CHN2: variants seen among roughly 807,000 people sequenced by gnomAD.
CHN2 encodes chimerin 2, also known as beta-chimaerin.
A neutral mutation model predicts 56.3 loss-of-function variants in CHN2; 35 were observed. The ratio of observed to expected loss-of-function variants is 0.62; its 90% CI spans 0.47 to 0.82. CHN2 has a LOEUF of 0.82. Among genes scored for constraint, CHN2 ranks in the 40% least tolerant of loss-of-function variants. The probability of loss-of-function intolerance (pLI) is 0.00; values close to 1 mark genes in which losing one functional copy is unlikely to be tolerated. For synonymous variants in CHN2, 210 were observed against 212.8 expected, an observed-to-expected ratio of 0.99 and a Z score of 0.12; for missense variants, 491 against 580.5, an observed-to-expected ratio of 0.85 and a Z score of 1.58.
intron 1 of CHN2, among the ~76,000 whole-genome samples, chr7:29,278,368 G>A (rs1791399264): frequency 6.6e-6 from 1 of 151,698 alleles, no homozygotes; most frequent in African/African-American, 2.4e-5. Flanking sequence ...TCAACTACTC[G>A]ACTCTGCCTT....
At chr7:29,446,576 C>CT (rs1227453403) in intron 6 of CHN2, among the ~76,000 whole-genome samples, 1 of 152,142 alleles carries the variant, frequency 6.6e-6, no homozygotes, top group African/African-American at 2.4e-5. Context: ...GCCCAGGGGA[C>CT]TTTCTGAGTT....
At chr7:29,363,259 G>A (rs1447275261) in intron 2 of CHN2, among the ~76,000 whole-genome samples, 1 of 152,236 alleles carries the variant, frequency 6.6e-6, no homozygotes, top group Non-Finnish European at 1.5e-5. Context: ...GCCGAAGCAG[G>A]TGGATCACTT....
At chr7:29,390,433 G>T (rs10228888) in intron 3 of CHN2, among the ~76,000 whole-genome samples, 7,915 of 152,240 alleles carry the variant, frequency 0.052, 261 homozygotes, top group South Asian at 0.089. Flanking sequence ...GCTGTCCTAG[G>T]ATAGTCACAG....
At chr7:29,470,198 G>A (rs116624037) in intron 6 of CHN2, among the ~76,000 whole-genome samples, 181 of 152,268 alleles carry the variant, frequency 1.2e-3, no homozygotes, top group African/African-American at 4.0e-3. Flanking sequence ...ACAGTCCTAC[G>A]CTTGGTAGAG....
At chr7:29,466,252 A>C (rs188242366) in intron 6 of CHN2, among the ~76,000 whole-genome samples, 2 of 152,264 alleles carry the variant, frequency 1.3e-5, no homozygotes, top group East Asian at 3.9e-4. Context: ...GGAAGGAAAG[A>C]AAGATTGGTT....
Position 29,368,003 on chromosome 7 carries a change from T to C in CHN2, c.144+16T>C, listed in dbSNP as rs202247231. On this transcript the variant is annotated intron_variant, in intron 3 of 12. Coordinates refer to ENST00000222792, the MANE Select transcript of CHN2 (RefSeq NM_004067.4). The stretch of plus-strand genomic sequence containing the variant: ...TCCTCGGGAGGTCAGTGCTCAGCTA[T>C]TTCCAATACACCTTGTTAAATATGA... 137 of 1,603,826 alleles carry C rather than the reference T, an allele frequency of 8.5e-5. No homozygotes were observed. The highest frequency in any genetic ancestry group is 3.4e-5 in the Admixed American group (2 of 58,580).
At chr7:29,252,786 G>A (rs1166704163) in intron 1 of CHN2, among the ~76,000 whole-genome samples, 19 of 121,108 alleles carry the variant, frequency 1.6e-4, no homozygotes, top group African/African-American at 9.8e-5. Context: ...TAGTAGAGAC[G>A]GGGTTTCACC....
intron 3 of CHN2, among the ~76,000 whole-genome samples, chr7:29,375,146 T>C (rs1355086035): frequency 2.1e-5 from 3 of 142,502 alleles, no homozygotes; most frequent in Non-Finnish European, 4.5e-5. Flanking sequence ...CGCCTCAGCC[T>C]CCCAAAATGC....
intron 2 of CHN2, among the ~76,000 whole-genome samples, chr7:29,359,183 C>G (rs539747369): frequency 6.3e-4 from 96 of 152,262 alleles, no homozygotes; most frequent in South Asian, 1.2e-3. Context: ...CTAAACCAAT[C>G]AGGACTCACT....
chr7:29,306,193 T>C (rs1380623421), intron 1 of CHN2, among the ~76,000 whole-genome samples: 1 of 152,196 alleles, frequency 6.6e-6, no homozygotes, highest in Non-Finnish European at 1.5e-5. Context: ...ACTGTGTAAG[T>C]CAATAAATCT....
intron 6 of CHN2, among the ~76,000 whole-genome samples, chr7:29,428,496 CATTTCAA>C (rs1480102314): frequency 6.6e-6 from 1 of 152,156 alleles, no homozygotes; most frequent in Non-Finnish European, 1.5e-5. Context: ...TCCCTGGGAC[CATTTCAA>C]ATTCAGACCA....
intron 1 of CHN2, among the ~76,000 whole-genome samples, chr7:29,338,571 TTG>T (rs1283963575): frequency 6.6e-6 from 1 of 152,138 alleles, no homozygotes; most frequent in Non-Finnish European, 1.5e-5. Flanking sequence ...TATAAGCTGG[TTG>T]TGAGTTTTTT....
chr7:29,458,732 T>A (rs776414168), intron 6 of CHN2, among the ~76,000 whole-genome samples: 4 of 152,200 alleles, frequency 2.6e-5, no homozygotes, highest in Non-Finnish European at 5.9e-5. Flanking sequence ...CAAACTAAAG[T>A]ATTATCCAAA....
intron 6 of CHN2, among the ~76,000 whole-genome samples, chr7:29,437,597 C>CAAAAAAAAAAAAAAAAAA (rs11436612): frequency 1.9e-5 from 1 of 52,610 alleles, no homozygotes. Context: ...GACTCCGTCT[C>CAAAAAAAAAAAAAAAAAA]AAAAAAAAAA....
intron 3 of CHN2, among the ~76,000 whole-genome samples, chr7:29,375,978 G>GT (rs1800044905): frequency 6.6e-6 from 1 of 152,184 alleles, no homozygotes; most frequent in Admixed American, 6.5e-5. Context: ...TGGTTAAACT[G>GT]TAACTGAGAA....
At chr7:29,494,747 T>C (rs1192401212) in intron 7 of CHN2, among the ~76,000 whole-genome samples, 1 of 152,148 alleles carries the variant, frequency 6.6e-6, no homozygotes, top group Non-Finnish European at 1.5e-5. Context: ...GCTTATCATC[T>C]TTCTCTGCTT....
chr7:29,456,023 C>CAAT (rs1784727108), intron 6 of CHN2, among the ~76,000 whole-genome samples: 1 of 152,246 alleles, frequency 6.6e-6, no homozygotes, highest in African/African-American at 2.4e-5. Flanking sequence ...GAGTCAAAAC[C>CAAT]AATAATAATA....
chr7:29,484,735 A>G (rs1398942770), intron 7 of CHN2, among the ~76,000 whole-genome samples: 2 of 152,182 alleles, frequency 1.3e-5, no homozygotes, highest in Non-Finnish European at 2.9e-5. Flanking sequence ...CGGGGGATAT[A>G]CGATGCAACC....
At chr7:29,162,375 A>AAGAACACC (rs1219831756) in intron 2 of CHN2, among the ~76,000 whole-genome samples, 18 of 152,198 alleles carry the variant, frequency 1.2e-4, no homozygotes, top group African/African-American at 3.4e-4. Context: ...TAAGAACATT[A>AAGAACACC]TGATGGCCAG....
Sources: allele counts gnomAD v4.1 joint callset (sites outside exome capture counted in the v4.1 genomes callset), GRCh38; gene constraint gnomAD v4.1.1; transcripts MANE v1.5; gene names NCBI Gene and HGNC (gene_info 2026-07-23, HGNC 2026-07-21).